Variants in ADAMTSL1 observed in about 807,000 individuals in gnomAD.
The protein encoded by ADAMTSL1 is ADAMTS like 1.
Under a neutral mutation model 201.8 loss-of-function variants are expected in ADAMTSL1, and 126 were observed. The observed-to-expected ratio is 0.62, with a 90% CI of 0.54 to 0.72. The LOEUF (loss-of-function observed/expected upper bound fraction) is 0.72. Ranked by LOEUF, ADAMTSL1 falls within the 30% of genes least tolerant of loss-of-function variation. The pLI, the probability that ADAMTSL1 is intolerant of heterozygous loss-of-function variation, is 0.00. For missense variants in ADAMTSL1, 2,679 were observed against 2,277.8 expected, an observed-to-expected ratio of 1.18 and a Z score of -3.59; for synonymous variants, 1,121 against 903.4, an observed-to-expected ratio of 1.24 and a Z score of -4.32.
At chr9:18,327,377 C>G (rs1225011327) in intron 2 of ADAMTSL1, among the ~76,000 whole-genome samples, 1 of 152,196 alleles carries the variant, frequency 6.6e-6, no homozygotes, top group Non-Finnish European at 1.5e-5. Context: ...GAGTCAGGCC[C>G]TATGGGCATA....
rs566136535 is a variant in ADAMTSL1, at chr9:18,492,372, ACT to A, written c.64-12454_64-12453del. 1.9e-3 allele frequency among the ~76,000 whole-genome samples: 288 copies of A among 152,242 alleles called. 3 individuals carry two copies. The highest frequency in any genetic ancestry group is 3.7e-3 in the Non-Finnish European group (254 of 68,002). The stretch of plus-strand genomic sequence containing the variant: ...TGTTTTTCAAAGTATTAAAGAGTAA[ACT>A]CTTATTAATAAAAAGTACAGAGTAT... On this transcript the variant is annotated intron_variant, in intron 1 of 28. Transcript: ENST00000380548.
chr9:18,242,195 G>T (rs1230752341), intron 2 of ADAMTSL1, among the ~76,000 whole-genome samples: 3 of 152,078 alleles, frequency 2.0e-5, no homozygotes, highest in East Asian at 3.8e-4. Context: ...GACATGCAAG[G>T]CTGGTTTAAC....
At chr9:18,371,572 G>A (rs1033590314) in intron 2 of ADAMTSL1, among the ~76,000 whole-genome samples, 7 of 152,262 alleles carry the variant, frequency 4.6e-5, no homozygotes, top group Middle Eastern at 3.4e-3. Flanking sequence ...ATAGGTTTAT[G>A]TATTTCTTTG....
At chr9:18,674,157 C>T (rs1032638717) in intron 9 of ADAMTSL1, among the ~76,000 whole-genome samples, 1 of 151,196 alleles carries the variant, frequency 6.6e-6, no homozygotes, top group South Asian at 2.1e-4. Flanking sequence ...GGCAGCATCC[C>T]TTTTCTTATA....
intron 13 of ADAMTSL1, among the ~76,000 whole-genome samples, chr9:18,696,857 T>C (rs1329595969): frequency 2.2e-5 from 3 of 137,348 alleles, no homozygotes; most frequent in Middle Eastern, 3.8e-3. Context: ...AATAATCACA[T>C]GTCAAAAATA....
intron 1 of ADAMTSL1, among the ~76,000 whole-genome samples, chr9:18,147,016 A>T (rs1402605707): frequency 1.3e-5 from 2 of 152,136 alleles, no homozygotes; most frequent in Non-Finnish European, 2.9e-5. Context: ...TGAATTACTT[A>T]CAGGTTTTAG....
At chr9:18,710,690 T>TTG (rs58475847) in intron 14 of ADAMTSL1, among the ~76,000 whole-genome samples, 1 of 144,140 alleles carries the variant, frequency 6.9e-6, no homozygotes, top group Non-Finnish European at 1.5e-5. Flanking sequence ...TTTTTTTTTT[T>TTG]ACAAAATTGA....
At chr9:18,194,246 A>T (rs772126282) in intron 2 of ADAMTSL1, among the ~76,000 whole-genome samples, 6 of 152,198 alleles carry the variant, frequency 3.9e-5, no homozygotes, top group Non-Finnish European at 7.4e-5. Context: ...AGAATAAAAA[A>T]GTGGCTAAGT....
At chr9:18,326,693 T>A (rs1380430156) in intron 2 of ADAMTSL1, among the ~76,000 whole-genome samples, 1 of 152,206 alleles carries the variant, frequency 6.6e-6, no homozygotes, top group African/African-American at 2.4e-5. Context: ...GTTCCATGCA[T>A]CCCTTCCCCC....
intron 1 of ADAMTSL1, among the ~76,000 whole-genome samples, chr9:18,127,273 G>A (rs1666539855): frequency 6.6e-6 from 1 of 152,116 alleles, no homozygotes; most frequent in African/African-American, 2.4e-5. Flanking sequence ...AGAAATAATT[G>A]TGATTAACTA....
At chr9:18,124,778 A>G (rs79418755) in intron 1 of ADAMTSL1, among the ~76,000 whole-genome samples, 2,437 of 152,298 alleles carry the variant, frequency 0.016, 61 homozygotes, top group African/African-American at 0.055. Flanking sequence ...TGCAATTCAA[A>G]AGGGAATTTT....
At chr9:18,537,349 A>G (rs1383463511) in intron 3 of ADAMTSL1, among the ~76,000 whole-genome samples, 1 of 152,248 alleles carries the variant, frequency 6.6e-6, no homozygotes, top group Non-Finnish European at 1.5e-5. Flanking sequence ...GAAAACAGCT[A>G]TGTGAATACT....
intron 2 of ADAMTSL1, among the ~76,000 whole-genome samples, chr9:18,368,359 C>A (rs1052491063): frequency 1.3e-5 from 2 of 152,210 alleles, no homozygotes; most frequent in African/African-American, 2.4e-5. Context: ...CCCATGCTGA[C>A]TGCTGTGGTA....
intron 14 of ADAMTSL1, among the ~76,000 whole-genome samples, chr9:18,716,434 A>T (rs1832937296): frequency 1.3e-5 from 2 of 152,202 alleles, no homozygotes; most frequent in Admixed American, 6.5e-5. Context: ...AAAGGACATG[A>T]ACACAGACTT....
At chr9:17,942,746 C>G (rs1219784388) in intron 1 of ADAMTSL1, among the ~76,000 whole-genome samples, 1 of 152,162 alleles carries the variant, frequency 6.6e-6, no homozygotes, top group Non-Finnish European at 1.5e-5. Context: ...GGCACCACTC[C>G]AAGGTCTATT....
intron 2 of ADAMTSL1, among the ~76,000 whole-genome samples, chr9:18,347,135 A>G (rs991704688): frequency 2.0e-5 from 3 of 152,036 alleles, no homozygotes; most frequent in Non-Finnish European, 4.4e-5. Flanking sequence ...TTTCCTCCTT[A>G]TGTGAATGGT....
chr9:18,518,852 C>A (rs1441029658), intron 2 of ADAMTSL1, among the ~76,000 whole-genome samples: 1 of 152,162 alleles, frequency 6.6e-6, no homozygotes, highest in Non-Finnish European at 1.5e-5. Context: ...GGATTACAGG[C>A]ATGCGCCATG....
At chr9:18,653,080 C>A (rs772756438) in intron 7 of ADAMTSL1, among the ~76,000 whole-genome samples, 1 of 152,168 alleles carries the variant, frequency 6.6e-6, no homozygotes, top group Non-Finnish European at 1.5e-5. Context: ...AGATGCCAAG[C>A]GTTTAGAACT....
intron 4 of ADAMTSL1, among the ~76,000 whole-genome samples, chr9:18,589,203 C>A (rs1179148312): frequency 6.6e-6 from 1 of 152,046 alleles, no homozygotes; most frequent in Non-Finnish European, 1.5e-5. Flanking sequence ...TTCTTCTAAT[C>A]CATCAACATG....
Sources: gnomAD v4.1 joint callset for allele counts (sites outside exome capture counted in the v4.1 genomes callset) on GRCh38, gnomAD v4.1.1 for gene constraint, MANE v1.5 for transcripts, NCBI Gene and HGNC (gene_info 2026-07-23, HGNC 2026-07-21) for gene names.